Variants in PRKN observed in about 807,000 individuals in gnomAD.
PRKN encodes the protein E3 ubiquitin-protein ligase parkin.
In PRKN, 56 loss-of-function variants were observed where a neutral mutation model predicts 59.5. The ratio of observed to expected loss-of-function variants is 0.94; its 90% CI spans 0.76 to 1.18. The LOEUF (loss-of-function observed/expected upper bound fraction) is 1.18. PRKN is among the 50% of genes most tolerant of loss of function. The pLI is 0.00. For missense variants in PRKN, 657 were observed against 596.4 expected, an observed-to-expected ratio of 1.10 and a Z score of -1.06; for synonymous variants, 250 against 222.1, an observed-to-expected ratio of 1.13 and a Z score of -1.12.
In PRKN at chr6:161,551,281, G is replaced by C. The variant is rs1249192656; in HGVS notation, c.934-2278C>G. Among the ~76,000 whole-genome samples, 2 of 152,192 alleles carry C rather than the reference G, an allele frequency of 1.3e-5. No individual in the cohort carries two copies. The highest frequency in any genetic ancestry group is 3.9e-4 in the East Asian group (2 of 5,182). On this transcript the variant is annotated intron_variant, in intron 8 of 11. Coordinates refer to ENST00000366898, the MANE Select transcript of PRKN (RefSeq NM_004562.3). This position sits in a 1 kb window ranked among gnomAD's most constrained non-coding sequence, Gnocchi z 5.2. ...AGCCCCAAATGCCAAGGAAGGACCT[G>C]GGGAGGCGCGCTGGCGACCTGAACG...
intron 1 of PRKN, among the ~76,000 whole-genome samples, chr6:162,597,946 T>C (rs992195035): frequency 2.6e-5 from 4 of 152,226 alleles, no homozygotes; most frequent in Non-Finnish European, 5.9e-5. Flanking sequence ...TCTAGAATTA[T>C]AATATATTGA....
intron 9 of PRKN, among the ~76,000 whole-genome samples, chr6:161,469,434 G>A (rs939154468): frequency 5.3e-5 from 8 of 152,164 alleles, no homozygotes; most frequent in South Asian, 4.2e-4. Flanking sequence ...CTTCATAGCA[G>A]TGTGAGAACA....
chr6:162,395,582 C>G (rs1409126362), intron 2 of PRKN, among the ~76,000 whole-genome samples: 4 of 152,092 alleles, frequency 2.6e-5, no homozygotes, highest in South Asian at 4.1e-4. Context: ...CTACGCAAAC[C>G]ATGAAAGATA....
At chr6:161,815,727 C>CG (rs1791749160) in intron 6 of PRKN, among the ~76,000 whole-genome samples, 1 of 151,902 alleles carries the variant, frequency 6.6e-6, no homozygotes, top group South Asian at 2.1e-4. Flanking sequence ...GAGACCCCAG[C>CG]GGGAGCTCAG....
intron 3 of PRKN, among the ~76,000 whole-genome samples, chr6:162,239,589 C>A (rs868567560): frequency 1.3e-5 from 2 of 152,096 alleles, no homozygotes; most frequent in Admixed American, 1.3e-4. Flanking sequence ...GTCTCAACTG[C>A]ATGTCAGGAG....
At chr6:161,650,217 G>A (rs1784102030) in intron 7 of PRKN, among the ~76,000 whole-genome samples, 1 of 152,158 alleles carries the variant, frequency 6.6e-6, no homozygotes, top group African/African-American at 2.4e-5. Context: ...ATTTGTTTAT[G>A]TCAGCTGTGG....
intron 4 of PRKN, among the ~76,000 whole-genome samples, chr6:162,072,034 T>C (rs1778597462): frequency 6.6e-6 from 1 of 152,190 alleles, no homozygotes; most frequent in Admixed American, 6.5e-5. Context: ...TTTTAATTCC[T>C]TTAACAAATA....
chr6:161,920,522 G>A (rs1476778981), intron 6 of PRKN, among the ~76,000 whole-genome samples: 2 of 152,074 alleles, frequency 1.3e-5, no homozygotes, highest in Admixed American at 6.6e-5. Context: ...CGGGCGCAGT[G>A]GCTCATGCCG....
intron 7 of PRKN, among the ~76,000 whole-genome samples, chr6:161,613,261 C>A (rs1355539443): frequency 2.0e-5 from 3 of 152,068 alleles, no homozygotes; most frequent in Non-Finnish European, 4.4e-5. Flanking sequence ...TTGGAAACCA[C>A]AGAAGAACTG....
At chr6:162,308,736 C>T (rs1583352330) in intron 2 of PRKN, among the ~76,000 whole-genome samples, 1 of 152,094 alleles carries the variant, frequency 6.6e-6, no homozygotes, top group East Asian at 1.9e-4. Context: ...TGACTGTAAA[C>T]AGCCAAGCCC....
At chr6:161,848,584 A>G (rs1042997551) in intron 6 of PRKN, among the ~76,000 whole-genome samples, 2 of 152,228 alleles carry the variant, frequency 1.3e-5, no homozygotes, top group Non-Finnish European at 2.9e-5. Context: ...GTTTTTCCCA[A>G]ATGGGTATGT....
chr6:162,389,576 TCA>T (rs1231404627), intron 2 of PRKN, among the ~76,000 whole-genome samples: 2 of 152,218 alleles, frequency 1.3e-5, no homozygotes, highest in African/African-American at 2.4e-5. Flanking sequence ...TTCATTTTAA[TCA>T]TTTACCAATT....
At chr6:162,656,012 A>G (rs1371866548) in intron 1 of PRKN, among the ~76,000 whole-genome samples, 1 of 152,200 alleles carries the variant, frequency 6.6e-6, no homozygotes, top group Admixed American at 6.5e-5. Context: ...ATTAGGCCCA[A>G]ATTATATAAA....
intron 2 of PRKN, among the ~76,000 whole-genome samples, chr6:162,392,464 T>A (rs1391630154): frequency 6.6e-6 from 1 of 152,208 alleles, no homozygotes; most frequent in Admixed American, 6.5e-5. Flanking sequence ...GATGATACCA[T>A]AATGTCTCTG....
rs1177332315 is a variant in PRKN, at chr6:162,393,155, C to CTTTTTTTTTTTTTTTTTTTTTTTTT, written c.171+50154_171+50155insAAAAAAAAAAAAAAAAAAAAAAAAA. Among the ~76,000 whole-genome samples, 52 of 80,164 alleles carry CTTTTTTTTTTTTTTTTTTTTTTTTT rather than the reference C, an allele frequency of 6.5e-4. 14 individuals carry two copies. Among genetic ancestry groups the CTTTTTTTTTTTTTTTTTTTTTTTTT allele is most frequent in the South Asian group, 1.5e-3 (3 of 2,000 alleles). 52.6% of individuals were successfully genotyped at this position (80,164 alleles called of 152,430 possible). A position where few individuals can be genotyped will look rare whatever the true frequency, so the allele number is the denominator to read the frequency against. On this transcript the variant is annotated intron_variant, in intron 2 of 11. Transcript: ENST00000366898. ...TGATACTGGGTGAGGATAGGAGATT[C>CTTTTTTTTTTTTTTTTTTTTTTTTT]TTTTTTTTTTTTTTTTTTTTTTGAG... is the stretch of plus-strand genomic sequence containing the variant.
chr6:162,404,842 G>A (rs991575006), intron 2 of PRKN, among the ~76,000 whole-genome samples: 2 of 152,156 alleles, frequency 1.3e-5, no homozygotes, highest in African/African-American at 4.8e-5. Context: ...GTGAGCTACT[G>A]CGACCGGCCA....
chr6:161,774,381 AGCACACACACACACACACAC>A (rs1304364321), intron 7 of PRKN, among the ~76,000 whole-genome samples: 18 of 89,102 alleles, frequency 2.0e-4, no homozygotes, highest in African/African-American at 6.6e-4. Context: ...CTACTCCCTG[AGCACACACACACACACACAC>A]ACACACACAC....
chr6:162,100,344 T>C (rs1779915286), intron 4 of PRKN, among the ~76,000 whole-genome samples: 1 of 152,126 alleles, frequency 6.6e-6, no homozygotes. Context: ...TTTTGAGCTG[T>C]TTTCCATAAT....
chr6:161,360,998 A>G lies in PRKN; in HGVS notation c.1168-793T>C, dbSNP rs879354683. On this transcript the variant is annotated intron_variant, in intron 10 of 11. Transcript: ENST00000366898. This position sits in a 1 kb window ranked among gnomAD's most constrained non-coding sequence, Gnocchi z 5.1. ...GACTCCAGTGTGGCAAGCTTTTAAT[A>G]CATTTGCTGACATTATTCATGTCAC... 3.3e-5 allele frequency among the ~76,000 whole-genome samples: 5 copies of G among 152,160 alleles called. No individual in the cohort carries two copies. The highest frequency in any genetic ancestry group is 2.6e-4 in the Admixed American group (4 of 15,276).
Sources: gnomAD v4.1 joint callset for allele counts (sites outside exome capture counted in the v4.1 genomes callset) on GRCh38, gnomAD v4.1.1 for gene constraint, Gnocchi (gnomAD v3.1) non-coding constraint, MANE v1.5 for transcripts, NCBI Gene and HGNC (gene_info 2026-07-23, HGNC 2026-07-21) for gene names.